NCMAP: variants seen among roughly 807,000 people sequenced by gnomAD.
NCMAP encodes non-compact myelin associated protein, also known as noncompact myelin-associated protein.
A neutral mutation model predicts 7.8 loss-of-function variants in NCMAP; 8 were observed. The observed-to-expected ratio is 1.02, with a 90% CI of 0.60 to 1.84. The LOEUF (loss-of-function observed/expected upper bound fraction) is 1.84. Ranked by LOEUF, NCMAP falls within the 40% of genes most tolerant of loss-of-function variation. The probability of loss-of-function intolerance (pLI) is 0.00; values close to 1 mark genes in which losing one functional copy is unlikely to be tolerated. For missense variants in NCMAP, 112 were observed against 131.4 expected (o/e 0.85, Z 0.72); for synonymous variants, 41 against 52.9 (o/e 0.78, Z 0.98).
chr1:24,592,091 G>A (rs1279705003), intron 1 of NCMAP, among the ~76,000 whole-genome samples: 1 of 152,214 alleles, frequency 6.6e-6, no homozygotes, highest in Non-Finnish European at 1.5e-5. Flanking sequence ...GGGGCAGCCA[G>A]CCCAGAGGCA....
chr1:24,575,814 A>G (rs1651539157), intron 1 of NCMAP, among the ~76,000 whole-genome samples: 1 of 149,176 alleles, frequency 6.7e-6, no homozygotes, highest in Non-Finnish European at 1.5e-5. Context: ...GCGTGGTGGC[A>G]TGTGCCTGTA....
chr1:24,583,852 G>C (rs1435193968), intron 1 of NCMAP, among the ~76,000 whole-genome samples: 1 of 152,086 alleles, frequency 6.6e-6, no homozygotes. Context: ...TGGAGTAGGA[G>C]ATCTGAGTTT....
intron 3 of NCMAP, 57 bp from the exon 4 acceptor site, chr1:24,605,549 A>G: frequency 6.3e-7 from 1 of 1,584,566 alleles, no homozygotes; most frequent in Non-Finnish European, 8.6e-7. Context: ...CGCAGAGCCC[A>G]TTCCCCGCGG....
chr1:24,605,823 C>A lies in NCMAP; in HGVS notation c.*76C>A. ...CAAGACCCAGAGGCACACTCTCTGG[C>A]AGCTTCACAATGAGCTTCTTCTGGT... On this transcript the variant is annotated 3_prime_UTR_variant, in exon 4 of 4. Coordinates refer to ENST00000374392, the MANE Select transcript of NCMAP (RefSeq NM_001010980.5). 6.6e-7 allele frequency: 1 copy of A among 1,526,364 alleles called. No homozygotes were observed. The highest frequency in any genetic ancestry group is 9.0e-7 in the Non-Finnish European group (1 of 1,111,500). 94.6% of individuals were successfully genotyped at this position (1,526,364 alleles called of 1,614,324 possible).
intron 1 of NCMAP, among the ~76,000 whole-genome samples, chr1:24,572,978 T>C (rs902955910): frequency 1.3e-5 from 2 of 150,600 alleles, no homozygotes; most frequent in Non-Finnish European, 2.9e-5. Context: ...CCAATGGGAC[T>C]GTGAACATGA....
chr1:24,596,253 A>G (rs1476742196), intron 2 of NCMAP, among the ~76,000 whole-genome samples: 1 of 152,176 alleles, frequency 6.6e-6, no homozygotes, highest in Admixed American at 6.5e-5. Context: ...AGCCTGGGCA[A>G]CAAAGTGAGC....
intron 3 of NCMAP, 122 bp from the exon 4 acceptor site, chr1:24,605,484 A>C: frequency 1.7e-6 from 2 of 1,148,028 alleles, no homozygotes; most frequent in Non-Finnish European, 1.2e-6. Flanking sequence ...GCAAGTAAGC[A>C]ATGTGATTTA....
intron 1 of NCMAP, among the ~76,000 whole-genome samples, chr1:24,560,815 G>A (rs1651028693): frequency 6.6e-6 from 1 of 151,936 alleles, no homozygotes; most frequent in Non-Finnish European, 1.5e-5. Flanking sequence ...CCCTCATGGG[G>A]GTTTCCTAAG....
At chr1:24,584,916 G>A (rs1651838553) in intron 1 of NCMAP, among the ~76,000 whole-genome samples, 1 of 138,170 alleles carries the variant, frequency 7.2e-6, no homozygotes, top group South Asian at 2.5e-4. Context: ...TGAATGGATG[G>A]GAGGACAGAT....
intron 1 of NCMAP, among the ~76,000 whole-genome samples, chr1:24,557,884 GCT>G (rs1650951267): frequency 1.3e-5 from 2 of 152,052 alleles, no homozygotes; most frequent in Admixed American, 1.3e-4. Flanking sequence ...AACTGGCTGG[GCT>G]CTGTGGGAAT....
chr1:24,600,221 G>T (rs1652429576), intron 2 of NCMAP, among the ~76,000 whole-genome samples: 1 of 151,992 alleles, frequency 6.6e-6, no homozygotes, highest in African/African-American at 2.4e-5. Flanking sequence ...CACAATCTTG[G>T]CTCACTGCAG....
chr1:24,580,780 A>T (rs1390098106), intron 1 of NCMAP, among the ~76,000 whole-genome samples: 2 of 151,944 alleles, frequency 1.3e-5, no homozygotes, highest in Non-Finnish European at 2.9e-5. Context: ...GTTTAGCCCC[A>T]CCTGGCACCC....
At position 24,572,264 on chromosome 1, in the gene NCMAP, C is replaced by T. The variant is rs1392883418; in HGVS notation, c.-8+16095C>T. Among the ~76,000 whole-genome samples the T allele has an allele frequency of 4.0e-5, 6 of 150,708 alleles. No homozygotes were observed. The East Asian group carries it at 9.6e-4, about 24-fold the overall frequency. ...GTGGATGGATCACACTGAGGGCGTT[C>T]CCCCACTGGGATATGACTTGGAGGT... On this transcript the variant is annotated intron_variant, in intron 1 of 3. Transcript: ENST00000374392.
chr1:24,601,988 C>T (rs1394797939), intron 3 of NCMAP, among the ~76,000 whole-genome samples: 1 of 151,534 alleles, frequency 6.6e-6, no homozygotes, highest in Non-Finnish European at 1.5e-5. Context: ...TTGCAGTGAG[C>T]CGAGATCGCG....
At chr1:24,585,741 C>T (rs767833361) in intron 1 of NCMAP, among the ~76,000 whole-genome samples, 11 of 152,184 alleles carry the variant, frequency 7.2e-5, no homozygotes, top group Non-Finnish European at 1.3e-4. Flanking sequence ...TGTGTCCCAC[C>T]GGTCCCATCA....
intron 1 of NCMAP, among the ~76,000 whole-genome samples, chr1:24,564,482 C>A (rs1322978955): frequency 7.8e-6 from 1 of 127,814 alleles, no homozygotes; most frequent in Non-Finnish European, 1.6e-5. Context: ...CCACTGCACT[C>A]CAGCCTGGGC....
chr1:24,566,240 C>T (rs1557592945), intron 1 of NCMAP, among the ~76,000 whole-genome samples: 3 of 152,276 alleles, frequency 2.0e-5, no homozygotes, highest in Non-Finnish European at 4.4e-5. Flanking sequence ...CTTCAGCCTC[C>T]CAAAATGCTG....
chr1:24,581,122 C>CTT (rs5773095), intron 1 of NCMAP, among the ~76,000 whole-genome samples: 136 of 142,046 alleles, frequency 9.6e-4, no homozygotes, highest in African/African-American at 1.7e-3. Flanking sequence ...GTCCTTTCTG[C>CTT]TTTTTTTTTT....
At chr1:24,593,322 A>T (rs1443420831) in intron 1 of NCMAP, among the ~76,000 whole-genome samples, 2 of 11,466 alleles carry the variant, frequency 1.7e-4, no homozygotes, top group Non-Finnish European at 4.8e-4. Context: ...TAGCCTCTAT[A>T]AAAAAAAAAG....
Sources: allele counts gnomAD v4.1 joint callset (sites outside exome capture counted in the v4.1 genomes callset), GRCh38; gene constraint gnomAD v4.1.1; transcripts MANE v1.5; gene names NCBI Gene and HGNC (gene_info 2026-07-23, HGNC 2026-07-21).